The following GRIK1 variants were observed in gnomAD, a reference collection of about 807,000 sequenced individuals.
GRIK1 encodes glutamate receptor ionotropic, kainate 1.
In GRIK1, 69 loss-of-function variants were observed where a neutral mutation model predicts 105.7. The observed-to-expected ratio is 0.65, with a 90% confidence interval of 0.54 to 0.80. The LOEUF (loss-of-function observed/expected upper bound fraction) is 0.80. GRIK1 is among the 30% of genes least tolerant of loss of function. The pLI, the probability that GRIK1 is intolerant of heterozygous loss-of-function variation, is 0.00. For missense variants in GRIK1, 1,109 were observed against 1,167.3 expected, an observed-to-expected ratio of 0.95 and a Z score of 0.73; for synonymous variants, 438 against 431.3, an observed-to-expected ratio of 1.02 and a Z score of -0.19.
intron 1 of GRIK1, among the ~76,000 whole-genome samples, chr21:29,784,217 A>C (rs986365203): frequency 6.6e-6 from 1 of 152,210 alleles, no homozygotes; most frequent in African/African-American, 2.4e-5. Context: ...ACGTTGATGG[A>C]TGTTTAAGTT....
intron 1 of GRIK1, among the ~76,000 whole-genome samples, chr21:29,732,522 T>A (rs2064660515): frequency 6.6e-6 from 1 of 152,134 alleles, no homozygotes; most frequent in Non-Finnish European, 1.5e-5. Context: ...TGTCTTTGAG[T>A]TGGCCAGTAG....
At position 29,563,345 on chromosome 21, in the gene GRIK1, G is replaced by A. The variant is rs139289893; in HGVS notation, c.2131-1496C>T. ...AATACTGTAGGGTTTATGAGTTAGG[G>A]GAGGACAGATGGCTTTATTTCAGAT... is the stretch of plus-strand genomic sequence containing the variant. On this transcript the variant is annotated intron_variant, in intron 14 of 17. Coordinates refer to ENST00000327783, the MANE Select transcript of GRIK1 (RefSeq NM_001330994.2). Among the ~76,000 whole-genome samples, 339 of 152,280 alleles carry A rather than the reference G, an allele frequency of 2.2e-3. 2 individuals are homozygous for A. The highest frequency in any genetic ancestry group is 7.8e-3 in the African/African-American group (325 of 41,540).
intron 1 of GRIK1, among the ~76,000 whole-genome samples, chr21:29,799,323 A>T (rs1461874547): frequency 2.0e-5 from 3 of 152,198 alleles, no homozygotes; most frequent in Non-Finnish European, 4.4e-5. Flanking sequence ...TGGCGCTGTT[A>T]TGCTATTCAC....
intron 1 of GRIK1, among the ~76,000 whole-genome samples, chr21:29,898,460 T>A (rs1409621737): frequency 6.6e-6 from 1 of 151,244 alleles, no homozygotes; most frequent in East Asian, 1.9e-4. Flanking sequence ...ATCCAGTAAG[T>A]CATGCCAGAG....
intron 10 of GRIK1, among the ~76,000 whole-genome samples, chr21:29,589,453 A>C (rs1296778126): frequency 1.4e-5 from 2 of 139,004 alleles, no homozygotes; most frequent in Non-Finnish European, 3.1e-5. Flanking sequence ...ACGGAATCTC[A>C]CTCTGTCACC....
At chr21:29,659,703 G>T (rs2062924433) in intron 4 of GRIK1, among the ~76,000 whole-genome samples, 1 of 152,182 alleles carries the variant, frequency 6.6e-6, no homozygotes, top group South Asian at 2.1e-4. Flanking sequence ...GCTCACGCTT[G>T]TAATCCCAGC....
intron 5 of GRIK1, among the ~76,000 whole-genome samples, chr21:29,651,506 A>G (rs959619994): frequency 1.3e-5 from 2 of 152,174 alleles, no homozygotes; most frequent in Non-Finnish European, 2.9e-5. Context: ...AAAATTGCAC[A>G]CCACTCTGAG....
At chr21:29,869,729 A>G (rs571628349) in intron 1 of GRIK1, among the ~76,000 whole-genome samples, 1 of 152,332 alleles carries the variant, frequency 6.6e-6, no homozygotes, top group Non-Finnish European at 1.5e-5. Flanking sequence ...ATACATGTAC[A>G]TCTTTTTCTG....
intron 1 of GRIK1, among the ~76,000 whole-genome samples, chr21:29,871,596 A>T (rs867962644): frequency 6.6e-5 from 10 of 152,022 alleles, no homozygotes; most frequent in African/African-American, 2.4e-4. Flanking sequence ...ATAAATATGG[A>T]TATGTATCTG....
chr21:29,826,514 A>G (rs1278273244), intron 1 of GRIK1, among the ~76,000 whole-genome samples: 2 of 152,112 alleles, frequency 1.3e-5, no homozygotes, highest in African/African-American at 2.4e-5. Flanking sequence ...TTGAGCAAGA[A>G]GGAATTCTGC....
intron 1 of GRIK1, among the ~76,000 whole-genome samples, chr21:29,866,026 G>C (rs192559596): frequency 4.5e-4 from 69 of 152,194 alleles, no homozygotes; most frequent in Non-Finnish European, 8.1e-4. Context: ...GCTAAGAAGG[G>C]AGCACATTCC....
intron 1 of GRIK1, among the ~76,000 whole-genome samples, chr21:29,754,877 G>A (rs1422127931): frequency 6.6e-6 from 1 of 151,976 alleles, no homozygotes; most frequent in African/African-American, 2.4e-5. Context: ...TTTTTTAATG[G>A]CCTGCCCTAT....
intron 7 of GRIK1, among the ~76,000 whole-genome samples, chr21:29,642,099 C>T (rs1568923606): frequency 1.3e-5 from 2 of 152,176 alleles, no homozygotes; most frequent in Admixed American, 6.5e-5. Context: ...TTCTTATCAT[C>T]AAGTCCAGAC....
At position 29,932,873 on chromosome 21, in the gene GRIK1, A is replaced by G. The variant is rs1392867933; in HGVS notation, c.118+6510T>C. 2.6e-5 allele frequency among the ~76,000 whole-genome samples: 4 copies of G among 151,932 alleles called. No individual in the cohort carries two copies. In the South Asian group the frequency reaches 8.3e-4, roughly 31 times the overall value. ...TTCCTGGAAAAGATATTTTAAGTCT[A>G]ATATGAATTTTCAATTTAAAACAAT... On this transcript the variant is annotated intron_variant, in intron 1 of 17. Coordinates refer to ENST00000327783, the MANE Select transcript of GRIK1 (RefSeq NM_001330994.2).
chr21:29,541,998 A>G (rs963308319), intron 16 of GRIK1, among the ~76,000 whole-genome samples: 2 of 151,684 alleles, frequency 1.3e-5, no homozygotes, highest in African/African-American at 4.8e-5. Context: ...CTTGCCATTT[A>G]TGCTGTTTCT....
intron 1 of GRIK1, among the ~76,000 whole-genome samples, chr21:29,935,316 T>A: frequency 6.6e-6 from 1 of 152,224 alleles, no homozygotes. Context: ...ATTGCCAGAA[T>A]GCAAACCTCA....
chr21:29,786,462 A>G (rs113404759), intron 1 of GRIK1, among the ~76,000 whole-genome samples: 1 of 151,784 alleles, frequency 6.6e-6, no homozygotes, highest in African/African-American at 2.4e-5. Flanking sequence ...TTTGAGGGCC[A>G]CCTTCGACCC....
intron 1 of GRIK1, among the ~76,000 whole-genome samples, chr21:29,936,935 A>G (rs2071778091): frequency 6.6e-6 from 1 of 152,196 alleles, no homozygotes; most frequent in Admixed American, 6.5e-5. Context: ...TAAGTCACTA[A>G]AAAACATGCC....
chr21:29,792,017 A>T (rs1055580861), intron 1 of GRIK1, among the ~76,000 whole-genome samples: 1 of 152,210 alleles, frequency 6.6e-6, no homozygotes, highest in African/African-American at 2.4e-5. Context: ...TTGATAAAAA[A>T]GTGGGTTTTA....
Sources: gnomAD v4.1 joint callset for allele counts (sites outside exome capture counted in the v4.1 genomes callset) on GRCh38, gnomAD v4.1.1 for gene constraint, MANE v1.5 for transcripts, NCBI Gene and HGNC (gene_info 2026-07-23, HGNC 2026-07-21) for gene names.